KCNIP4: variants seen among roughly 807,000 people sequenced by gnomAD.
KCNIP4 encodes Kv channel-interacting protein 4.
KCNIP4 carries 12 observed loss-of-function variants against 34.0 expected under a neutral mutation model. The ratio of observed to expected loss-of-function variants is 0.35; its 90% CI spans 0.23 to 0.57. The LOEUF is 0.57. Among genes scored for constraint, KCNIP4 ranks in the 20% least tolerant of loss-of-function variants. KCNIP4 has a pLI of 0.83. For synonymous variants in KCNIP4, 124 were observed against 102.2 expected (o/e 1.21, Z -1.29); for missense variants, 238 against 311.7 (o/e 0.76, Z 1.78).
chr4:21,288,313 C>T (rs1763238565), intron 1 of KCNIP4, among the ~76,000 whole-genome samples: 1 of 152,030 alleles, frequency 6.6e-6, no homozygotes, highest in South Asian at 2.1e-4. Context: ...TAATCATGCA[C>T]AGATGTATGA....
chr4:21,268,435 A>G (rs1435338732), intron 1 of KCNIP4, among the ~76,000 whole-genome samples: 1 of 152,156 alleles, frequency 6.6e-6, no homozygotes, highest in African/African-American at 2.4e-5. Flanking sequence ...TCCCGTTTTA[A>G]TATTTTGTTA....
intron 1 of KCNIP4, among the ~76,000 whole-genome samples, chr4:21,250,505 G>T (rs889945530): frequency 6.6e-6 from 1 of 152,046 alleles, no homozygotes; most frequent in South Asian, 2.1e-4. Flanking sequence ...ATTTTCCTCT[G>T]GTTTTCCAGG....
intron 1 of KCNIP4, chr4:20,916,315 G>T (rs1407001344): frequency 1.0e-6 from 1 of 982,326 alleles, no homozygotes; most frequent in Non-Finnish European, 1.2e-6. Flanking sequence ...CTTTTTAGAA[G>T]TGTTTACCTC....
intron 1 of KCNIP4, among the ~76,000 whole-genome samples, chr4:21,369,034 G>A (rs974515653): frequency 6.8e-6 from 1 of 147,100 alleles, no homozygotes; most frequent in Non-Finnish European, 1.5e-5. Flanking sequence ...GTAAAGGGAT[G>A]CAGAGCAAAA....
chr4:21,294,341 T>C (rs1408329039), intron 1 of KCNIP4, among the ~76,000 whole-genome samples: 1 of 152,174 alleles, frequency 6.6e-6, no homozygotes, highest in Non-Finnish European at 1.5e-5. Flanking sequence ...CCTAACTCCC[T>C]GCTGAACCAA....
At chr4:21,807,154 G>A (rs1326549850) in intron 1 of KCNIP4, among the ~76,000 whole-genome samples, 1 of 152,278 alleles carries the variant, frequency 6.6e-6, no homozygotes, top group East Asian at 1.9e-4. Context: ...AGAATTTAAT[G>A]CTGCCACTAA....
chr4:21,356,479 A>G (rs1027475349), intron 1 of KCNIP4, among the ~76,000 whole-genome samples: 1 of 152,206 alleles, frequency 6.6e-6, no homozygotes, highest in African/African-American at 2.4e-5. Context: ...CTCAAGATAC[A>G]AAATCAGTGC....
rs1261051414 is a variant in KCNIP4, at chr4:21,208,773, A to G, written c.62-326064T>C. Among the ~76,000 whole-genome samples the G allele has an allele frequency of 2.0e-5, 3 of 152,174 alleles. 1 individual carries two copies. Among genetic ancestry groups the G allele is most frequent in the South Asian group, 4.1e-4 (2 of 4,832 alleles). On this transcript the variant is annotated intron_variant, in intron 1 of 8. Transcript: ENST00000382152. ...AACTGCCCAAGATTAGGTAATTTAT[A>G]AAGGAAAGAGATTTAATGGACTCAT...
intron 1 of KCNIP4, among the ~76,000 whole-genome samples, chr4:21,671,686 G>T (rs1472259883): frequency 6.6e-6 from 1 of 152,152 alleles, no homozygotes; most frequent in African/African-American, 2.4e-5. Flanking sequence ...ATGTTACTCA[G>T]ACTCAGGGGT....
At chr4:20,848,397 G>A (rs1387560259) in intron 3 of KCNIP4, among the ~76,000 whole-genome samples, 1 of 151,502 alleles carries the variant, frequency 6.6e-6, no homozygotes, top group Non-Finnish European at 1.5e-5. Context: ...AATAAGAGGT[G>A]GGGTCAGAAG....
chr4:21,033,451 A>G (rs1741179062), intron 1 of KCNIP4, among the ~76,000 whole-genome samples: 1 of 152,226 alleles, frequency 6.6e-6, no homozygotes, highest in South Asian at 2.1e-4. Context: ...TAGGGATAAA[A>G]GGAAACCTTT....
chr4:21,227,033 C>G (rs1560191489), intron 1 of KCNIP4, among the ~76,000 whole-genome samples: 2 of 152,112 alleles, frequency 1.3e-5, no homozygotes, highest in Non-Finnish European at 2.9e-5. Flanking sequence ...AGAAAAAGCT[C>G]AGGGCATTCA....
intron 1 of KCNIP4, among the ~76,000 whole-genome samples, chr4:21,809,505 T>C (rs1382105621): frequency 6.6e-6 from 1 of 152,214 alleles, no homozygotes; most frequent in Admixed American, 6.5e-5. Context: ...ATACACACAC[T>C]ATTAGTTTTA....
intron 1 of KCNIP4, among the ~76,000 whole-genome samples, chr4:21,378,775 A>G (rs978730189): frequency 6.6e-6 from 1 of 152,194 alleles, no homozygotes; most frequent in Admixed American, 6.5e-5. Context: ...TTAGTCTTTT[A>G]TAAATCTCTA....
chr4:21,207,278 T>C (rs1476840267), intron 1 of KCNIP4, among the ~76,000 whole-genome samples: 1 of 152,128 alleles, frequency 6.6e-6, no homozygotes, highest in East Asian at 1.9e-4. Flanking sequence ...AAAGGAGAAA[T>C]GGCAGAAGAG....
chr4:20,902,662 G>C (rs2149554213), intron 1 of KCNIP4, among the ~76,000 whole-genome samples: 1 of 152,138 alleles, frequency 6.6e-6, no homozygotes, highest in South Asian at 2.1e-4. Flanking sequence ...TGGGGTTACA[G>C]GTACCTGCCA....
intron 1 of KCNIP4, among the ~76,000 whole-genome samples, chr4:21,430,567 A>G (rs1220389366): frequency 7.2e-5 from 11 of 152,134 alleles, no homozygotes; most frequent in Non-Finnish European, 1.5e-5. Flanking sequence ...AGCCATTTTA[A>G]AAATATCACT....
intron 1 of KCNIP4, among the ~76,000 whole-genome samples, chr4:21,658,754 C>A (rs1748181141): frequency 6.6e-6 from 1 of 152,034 alleles, no homozygotes. Flanking sequence ...GGGGTGGGGG[C>A]AGAATAGTGA....
intron 1 of KCNIP4, among the ~76,000 whole-genome samples, chr4:20,939,585 G>A (rs930692559): frequency 1.3e-5 from 2 of 151,954 alleles, no homozygotes; most frequent in African/African-American, 2.4e-5. Flanking sequence ...TGTAGGCCAG[G>A]ATGGTCTCGA....
Sources: gnomAD v4.1 joint callset for allele counts (sites outside exome capture counted in the v4.1 genomes callset) on GRCh38, gnomAD v4.1.1 for gene constraint, MANE v1.5 for transcripts, NCBI Gene and HGNC (gene_info 2026-07-23, HGNC 2026-07-21) for gene names.